HAO2: variants seen among roughly 807,000 people sequenced by gnomAD.
HAO2 encodes the protein hydroxyacid oxidase 2.
A neutral mutation model predicts 37.4 loss-of-function variants in HAO2; 42 were observed. The observed-to-expected ratio is 1.12, with a 90% CI of 0.88 to 1.45. The LOEUF (loss-of-function observed/expected upper bound fraction) is 1.45. Among genes scored for constraint, HAO2 ranks in the 40% most tolerant of loss-of-function variants. The pLI is 0.00. For missense variants in HAO2, 476 were observed against 430.2 expected, an observed-to-expected ratio of 1.11 and a Z score of -0.94; for synonymous variants, 180 against 162.8, an observed-to-expected ratio of 1.11 and a Z score of -0.81.
At chr1:119,383,121 C>G in intron 3 of HAO2, 55 bp downstream of exon 3, 2 of 1,345,112 alleles carry the variant, frequency 1.5e-6, no homozygotes, top group Non-Finnish European at 2.1e-6. Context: ...TCCCTCAGAG[C>G]AGTGGCAGAG....
intron 7 of HAO2, 28 bp downstream of exon 7, chr1:119,392,715 G>T: frequency 7.3e-7 from 1 of 1,374,062 alleles, no homozygotes; most frequent in South Asian, 1.2e-5. Context: ...CCCTGATTTG[G>T]AACTTAAAGC....
At chr1:119,382,328 A>G (rs1570772236) in intron 2 of HAO2, among the ~76,000 whole-genome samples, 2 of 152,344 alleles carry the variant, frequency 1.3e-5, no homozygotes, top group Admixed American at 6.5e-5. Flanking sequence ...CTAAGTATGC[A>G]TTTATTTAAA....
chr1:119,377,928 G>A (rs1649608692), intron 1 of HAO2, among the ~76,000 whole-genome samples: 1 of 152,210 alleles, frequency 6.6e-6, no homozygotes, highest in Admixed American at 6.5e-5. Context: ...TGAGCTGGGT[G>A]TGGTGGCACA....
intron 5 of HAO2, among the ~76,000 whole-genome samples, chr1:119,388,549 A>T (rs1254480059): frequency 6.6e-6 from 1 of 152,176 alleles, no homozygotes; most frequent in African/African-American, 2.4e-5. Flanking sequence ...CTTCACATCC[A>T]AACTCAAGTT....
At chr1:119,370,888 T>G (rs1254931527) in intron 1 of HAO2, among the ~76,000 whole-genome samples, 2 of 152,208 alleles carry the variant, frequency 1.3e-5, no homozygotes, top group Non-Finnish European at 2.9e-5. Context: ...ACCCAGTGAT[T>G]GCCACTGTGA....
chr1:119,383,660 G>A (rs949651798), intron 3 of HAO2, among the ~76,000 whole-genome samples: 4 of 143,980 alleles, frequency 2.8e-5, no homozygotes, highest in Non-Finnish European at 4.6e-5. Context: ...CACCACCACC[G>A]CCAATAATAA....
At chr1:119,374,812 C>T (rs973772891) in intron 1 of HAO2, among the ~76,000 whole-genome samples, 2 of 152,212 alleles carry the variant, frequency 1.3e-5, no homozygotes, top group Non-Finnish European at 1.5e-5. Context: ...GGTGTTAAAT[C>T]AGATTGCAAT....
intron 1 of HAO2, among the ~76,000 whole-genome samples, chr1:119,373,372 CA>C (rs903833381): frequency 6.6e-6 from 1 of 152,116 alleles, no homozygotes; most frequent in Non-Finnish European, 1.5e-5. Flanking sequence ...GAAGCAATTT[CA>C]AGAGTCATAT....
At chr1:119,392,310 C>G in intron 6 of HAO2, 42 bp downstream of exon 6, 1 of 1,495,852 alleles carries the variant, frequency 6.7e-7, no homozygotes, top group Admixed American at 1.9e-5. Flanking sequence ...TACAGAGCTT[C>G]TCATTCATTT....
rs143065896 is a variant in HAO2 at position 119,393,095 on chromosome 1, G to A, written c.1000+408G>A. 1.2e-3 allele frequency among the ~76,000 whole-genome samples: 179 copies of A among 152,126 alleles called. 1 individual carries two copies. In the Middle Eastern group the frequency reaches 0.017, roughly 14 times the overall value. ...AATAATACATTTTGCCAAAGTTATG[G>A]TGCACACATCATAAATATGGAAAGA... On this transcript the variant is annotated intron_variant, in intron 7 of 7. Transcript: ENST00000325945.
intron 2 of HAO2, among the ~76,000 whole-genome samples, chr1:119,382,138 T>C (rs79555357): frequency 0.04 from 6,070 of 152,280 alleles, 388 homozygotes; most frequent in African/African-American, 0.14. Context: ...TTACATCATT[T>C]ATTTCAGTCT....
At chr1:119,391,417 G>T (rs889329645) in intron 5 of HAO2, among the ~76,000 whole-genome samples, 1 of 152,184 alleles carries the variant, frequency 6.6e-6, no homozygotes, top group Admixed American at 6.5e-5. Context: ...AGGCCTATTT[G>T]CCTGTTCCCT....
At chr1:119,392,935 T>G (rs945514574) in intron 7 of HAO2, among the ~76,000 whole-genome samples, 1 of 152,148 alleles carries the variant, frequency 6.6e-6, no homozygotes, top group African/African-American at 2.4e-5. Context: ...TCTGTTGAAT[T>G]CGTTCAATTT....
intron 4 of HAO2, chr1:119,385,719 A>G (rs1399756578): frequency 1.0e-6 from 1 of 984,984 alleles, no homozygotes; most frequent in Non-Finnish European, 1.2e-6. Context: ...ATCCCTGGCT[A>G]TAGTAGAGAT....
intron 2 of HAO2, among the ~76,000 whole-genome samples, chr1:119,382,204 A>G (rs587649111): frequency 1.3e-5 from 2 of 152,314 alleles, no homozygotes; most frequent in African/African-American, 2.4e-5. Context: ...AGATGAAGTG[A>G]CTGAGGCTAC....
At chr1:119,371,102 C>T (rs1272231894) in intron 1 of HAO2, among the ~76,000 whole-genome samples, 4 of 152,186 alleles carry the variant, frequency 2.6e-5, no homozygotes, top group Non-Finnish European at 5.9e-5. Flanking sequence ...TGACCAAGCT[C>T]ATTTTATGCA....
At chr1:119,382,682 T>C (rs1368194825) in intron 2 of HAO2, among the ~76,000 whole-genome samples, 1 of 152,198 alleles carries the variant, frequency 6.6e-6, no homozygotes, top group African/African-American at 2.4e-5. Context: ...ACAAAGTGGT[T>C]CAGAGAAGGT....
At chr1:119,391,190 G>C (rs1022464851) in intron 5 of HAO2, among the ~76,000 whole-genome samples, 1 of 152,054 alleles carries the variant, frequency 6.6e-6, no homozygotes, top group South Asian at 2.1e-4. Flanking sequence ...AATGCTAATG[G>C]ATTCCTTTGG....
intron 6 of HAO2, 26 bp downstream of exon 6, chr1:119,392,294 A>G: frequency 6.4e-7 from 1 of 1,561,250 alleles, no homozygotes; most frequent in Non-Finnish European, 8.8e-7. Flanking sequence ...CAAACCAGCA[A>G]GAAGATACAG....
Sources: gnomAD v4.1 joint callset for allele counts (sites outside exome capture counted in the v4.1 genomes callset) on GRCh38, gnomAD v4.1.1 for gene constraint, MANE v1.5 for transcripts, NCBI Gene and HGNC (gene_info 2026-07-23, HGNC 2026-07-21) for gene names.